Variants in SPSB4 observed in about 807,000 individuals in gnomAD.
The protein encoded by SPSB4 is SPRY domain-containing SOCS box protein 4.
SPSB4 carries 21 observed loss-of-function variants against 20.9 expected under a neutral mutation model. That is an observed-to-expected ratio of 1.01 (90% CI 0.71 to 1.45). The LOEUF is 1.45. Ranked by LOEUF, SPSB4 falls within the 40% of genes most tolerant of loss-of-function variation. The pLI is 0.00. For synonymous variants in SPSB4, 207 were observed against 183.8 expected (o/e 1.13, Z -1.02); for missense variants, 399 against 399.2 (o/e 1.00, Z 0.00).
intron 1 of SPSB4, among the ~76,000 whole-genome samples, chr3:141,059,043 G>A (rs1442129079): frequency 6.6e-6 from 1 of 152,162 alleles, no homozygotes; most frequent in Non-Finnish European, 1.5e-5. Flanking sequence ...GTGGCTGGGG[G>A]CACAGAAGTG....
intron 2 of SPSB4, among the ~76,000 whole-genome samples, chr3:141,078,153 T>C (rs1938154993): frequency 6.6e-6 from 1 of 152,164 alleles, no homozygotes; most frequent in Non-Finnish European, 1.5e-5. Context: ...AGCCCTCTGG[T>C]TGGGATGGGC....
intron 2 of SPSB4, among the ~76,000 whole-genome samples, chr3:141,141,187 G>C (rs889120449): frequency 2.0e-5 from 3 of 152,246 alleles, no homozygotes; most frequent in African/African-American, 7.2e-5. Context: ...GAAGAGCGCA[G>C]TATTAGGGTG....
intron 2 of SPSB4, among the ~76,000 whole-genome samples, chr3:141,083,471 G>A (rs774818062): frequency 6.6e-6 from 1 of 152,128 alleles, no homozygotes; most frequent in African/African-American, 2.4e-5. Context: ...CCTTTCTCTG[G>A]GCAGGGCCAG....
At chr3:141,055,819 A>G (rs1937627855) in intron 1 of SPSB4, among the ~76,000 whole-genome samples, 1 of 152,166 alleles carries the variant, frequency 6.6e-6, no homozygotes, top group Non-Finnish European at 1.5e-5. Flanking sequence ...GGGTGTGCCC[A>G]TGGTAGGAGG....
At chr3:141,084,455 G>A (rs530496441) in intron 2 of SPSB4, among the ~76,000 whole-genome samples, 1 of 152,196 alleles carries the variant, frequency 6.6e-6, no homozygotes, top group Non-Finnish European at 1.5e-5. Flanking sequence ...CACAGAGTAA[G>A]CTTAGCTTCC....
intron 2 of SPSB4, among the ~76,000 whole-genome samples, chr3:141,127,141 G>A (rs997712660): frequency 6.6e-6 from 1 of 152,268 alleles, no homozygotes; most frequent in Non-Finnish European, 1.5e-5. Flanking sequence ...TCACAGCTGG[G>A]AGGGGGTCAA....
At chr3:141,076,510 T>G (rs1338605399) in intron 2 of SPSB4, among the ~76,000 whole-genome samples, 1 of 152,252 alleles carries the variant, frequency 6.6e-6, no homozygotes, top group Non-Finnish European at 1.5e-5. Flanking sequence ...GGCCAGACAC[T>G]GCCCAGCTCC....
In SPSB4 at chr3:141,147,699, T is replaced by A. The variant is rs1939437409; in HGVS notation, c.*430T>A. On this transcript the variant is annotated 3_prime_UTR_variant, in exon 3 of 3. Coordinates refer to ENST00000310546, the MANE Select transcript of SPSB4 (RefSeq NM_080862.3). ...GCCAGTGCAGGGGGAAAATTGCCTC[T>A]GAATAATGAATGATGAAAGCCTGAC... The A allele has an allele frequency of 6.0e-6, 1 of 167,206 alleles. No individual in the cohort carries two copies. Among genetic ancestry groups the A allele is most frequent in the South Asian group, 1.6e-4 (1 of 6,188 alleles). 10.4% of individuals were successfully genotyped at this position (167,206 alleles called of 1,614,324 possible). A position where few individuals can be genotyped will look rare whatever the true frequency, so the allele number is the denominator to read the frequency against.
intron 2 of SPSB4, among the ~76,000 whole-genome samples, chr3:141,134,040 TTTTTTTTTCTTTTTTC>T (rs1939183209): frequency 1.0e-5 from 1 of 97,774 alleles, no homozygotes; most frequent in African/African-American, 5.0e-5. Flanking sequence ...CTTTTCTTTT[TTTTTTTTTCTTTTTTC>T]TTTTTTTTTT....
At chr3:141,138,812 T>C (rs1939273292) in intron 2 of SPSB4, among the ~76,000 whole-genome samples, 1 of 152,228 alleles carries the variant, frequency 6.6e-6, no homozygotes, top group Non-Finnish European at 1.5e-5. Context: ...GTATATTCTG[T>C]TGATTTGGGG....
chr3:141,123,251 C>T (rs1278348832), intron 2 of SPSB4, among the ~76,000 whole-genome samples: 1 of 152,200 alleles, frequency 6.6e-6, no homozygotes, highest in East Asian at 1.9e-4. Flanking sequence ...AATGCATACC[C>T]ATGAATCTAC....
intron 2 of SPSB4, among the ~76,000 whole-genome samples, chr3:141,141,037 C>A (rs1277665889): frequency 6.6e-6 from 1 of 152,252 alleles, no homozygotes; most frequent in East Asian, 1.9e-4. Flanking sequence ...ATGGTGGGCA[C>A]CCCTCCCCCA....
intron 2 of SPSB4, among the ~76,000 whole-genome samples, chr3:141,141,172 C>T (rs565161606): frequency 2.6e-5 from 4 of 152,338 alleles, no homozygotes; most frequent in South Asian, 4.1e-4. Flanking sequence ...TTGTTTAAGG[C>T]GTTGGAAGAG....
intron 2 of SPSB4, among the ~76,000 whole-genome samples, chr3:141,141,773 G>A (rs1405816530): frequency 1.3e-5 from 2 of 152,040 alleles, no homozygotes; most frequent in Non-Finnish European, 2.9e-5. Flanking sequence ...TTTAATCTAG[G>A]AAGGTTGTAT....
intron 2 of SPSB4, among the ~76,000 whole-genome samples, chr3:141,137,350 G>T (rs1939247060): frequency 6.6e-6 from 1 of 152,104 alleles, no homozygotes; most frequent in South Asian, 2.1e-4. Context: ...TGATTGCCCT[G>T]TCCAGAACTT....
At chr3:141,115,212 C>T (rs1938864742) in intron 2 of SPSB4, 1 of 152,220 alleles carries the variant, frequency 6.6e-6, no homozygotes, top group African/African-American at 2.4e-5. Context: ...GATCAGATTC[C>T]TGGATCCAAC....
intron 1 of SPSB4, 99 bp downstream of exon 1, chr3:141,052,091 G>A: frequency 6.6e-6 from 1 of 152,490 alleles, no homozygotes; most frequent in Non-Finnish European, 1.5e-5. Context: ...CACAGCTGGC[G>A]CTCCTGACGT....
At chr3:141,123,214 A>T (rs548424054) in intron 2 of SPSB4, among the ~76,000 whole-genome samples, 44 of 152,194 alleles carry the variant, frequency 2.9e-4, no homozygotes, top group African/African-American at 1.1e-3. Flanking sequence ...TAATTTCCTT[A>T]TTTATGTATT....
In SPSB4 at chr3:141,147,187, C is replaced by T. The variant is rs771167999; in HGVS notation, c.740C>T (p.Ser247Leu). The T allele has an allele frequency of 9.9e-6, 16 of 1,614,098 alleles. No homozygotes were observed. Among genetic ancestry groups the T allele is most frequent in the Admixed American group, 1.7e-5 (1 of 60,008 alleles). ...LMDLCRRSIR[S>L]ALGRQRLQDI... ...GACCTGTGCCGGAGATCCATCCGCT[C>T]GGCCCTGGGCCGCCAGCGCCTGCAG... The change falls in exon 3 of 3, where the codon TCG (serine) becomes TTG (leucine). Residue 247 changes from serine to leucine, a missense_variant. Coordinates refer to ENST00000310546, the MANE Select transcript of SPSB4 (RefSeq NM_080862.3).
Sources: allele counts gnomAD v4.1 joint callset (sites outside exome capture counted in the v4.1 genomes callset), GRCh38; gene constraint gnomAD v4.1.1; transcripts MANE v1.5; gene names NCBI Gene and HGNC (gene_info 2026-07-23, HGNC 2026-07-21).